Variants in SFI1 observed in about 807,000 individuals in gnomAD.
SFI1 encodes SFI1 centrin binding protein.
A neutral mutation model predicts 207.5 loss-of-function variants in SFI1; 195 were observed. The ratio of observed to expected loss-of-function variants is 0.94; its 90% CI spans 0.84 to 1.06. The LOEUF (loss-of-function observed/expected upper bound fraction) is 1.06, where lower values mean the gene tolerates loss of function less well. Ranked by LOEUF, SFI1 falls within the 50% of genes least tolerant of loss-of-function variation. The pLI, the probability that SFI1 is intolerant of heterozygous loss-of-function variation, is 0.00. For missense variants in SFI1, 1,634 were observed against 1,588.0 expected, an observed-to-expected ratio of 1.03 and a Z score of -0.49; for synonymous variants, 630 against 598.9, an observed-to-expected ratio of 1.05 and a Z score of -0.76.
intron 2 of SFI1, among the ~76,000 whole-genome samples, chr22:31,513,184 G>C (rs2055888497): frequency 6.6e-6 from 1 of 150,652 alleles, no homozygotes; most frequent in Admixed American, 6.6e-5. Flanking sequence ...TTTGAGACAG[G>C]GTCTCGCTTT....
At chr22:31,588,835 C>CA (rs943824479) in intron 14 of SFI1, among the ~76,000 whole-genome samples, 14 of 149,930 alleles carry the variant, frequency 9.3e-5, no homozygotes, top group South Asian at 6.3e-4. Context: ...CAAAAAACAA[C>CA]AAAAAAAACA....
chr22:31,591,087 T>C (rs2065832121), intron 15 of SFI1, among the ~76,000 whole-genome samples: 1 of 151,742 alleles, frequency 6.6e-6, no homozygotes, highest in South Asian at 2.1e-4. Context: ...CAAAGGTCTC[T>C]GGTTTTCTTA....
At position 31,586,799 on chromosome 22, in the gene SFI1, C is replaced by T. The variant is rs139137333; in HGVS notation, c.1413+1665C>T. ...CTCCCCTTGACACAGGGGCCCAACACTGGCGGACAGTCCAGGGTCAGCGTT... is the reference window on the plus strand; with the variant it reads ...CTCCCCTTGACACAGGGGCCCAACATTGGCGGACAGTCCAGGGTCAGCGTT... On this transcript the variant is annotated intron_variant, in intron 14 of 32. Transcript: ENST00000400288. Among the ~76,000 whole-genome samples the T allele has an allele frequency of 4.2e-3, 635 of 152,300 alleles. 5 individuals are homozygous for T. The highest frequency in any genetic ancestry group is 0.014 in the African/African-American group (598 of 41,564).
chr22:31,615,558 T>C (rs1603371703), intron 29 of SFI1: 1 of 363,704 alleles, frequency 2.7e-6, no homozygotes, highest in East Asian at 4.2e-5. Context: ...GCAGATCACG[T>C]AGGGTCCTGC....
intron 1 of SFI1, among the ~76,000 whole-genome samples, chr22:31,505,706 A>C (rs1336340105): frequency 6.6e-6 from 1 of 151,560 alleles, no homozygotes; most frequent in African/African-American, 2.4e-5. Context: ...GCAATATAGC[A>C]AGACCCTGTC....
chr22:31,508,753 G>C (rs905361815), intron 2 of SFI1, among the ~76,000 whole-genome samples: 7 of 151,930 alleles, frequency 4.6e-5, no homozygotes, highest in Non-Finnish European at 1.0e-4. Context: ...TGAAGCTCTC[G>C]GCACCTTATA....
chr22:31,500,324 A>G (rs1241733928), intron 1 of SFI1, among the ~76,000 whole-genome samples: 1 of 151,766 alleles, frequency 6.6e-6, no homozygotes, highest in Non-Finnish European at 1.5e-5. Flanking sequence ...TAGCCATTCC[A>G]ACCTTCAGCA....
chr22:31,506,504 T>C (rs1224230255), intron 1 of SFI1, among the ~76,000 whole-genome samples: 4 of 152,156 alleles, frequency 2.6e-5, no homozygotes, highest in Non-Finnish European at 5.9e-5. Context: ...CATCTAGACA[T>C]GAAGAAAGAA....
intron 15 of SFI1, 133 bp from the exon 16 acceptor site, chr22:31,602,079 C>A: frequency 1.3e-6 from 1 of 762,306 alleles, no homozygotes; most frequent in South Asian, 1.7e-5. Flanking sequence ...GCCACTGTGC[C>A]CAGCCACTTA....
chr22:31,580,006 G>T, intron 11 of SFI1: 1 of 311,588 alleles, frequency 3.2e-6, no homozygotes. Context: ...TCCTGGTGTG[G>T]GTGTGTTTGT....
chr22:31,558,074 G>A (rs2061341977), intron 7 of SFI1, among the ~76,000 whole-genome samples: 1 of 152,144 alleles, frequency 6.6e-6, no homozygotes, highest in Non-Finnish European at 1.5e-5. Context: ...CTTCCAACCT[G>A]TATTATTGGG....
chr22:31,606,035 C>CA, intron 20 of SFI1: 1 of 366,658 alleles, frequency 2.7e-6, no homozygotes. Flanking sequence ...CAGTGTGAGT[C>CA]ACCTGTGTTG....
intron 2 of SFI1, 23 bp downstream of exon 2, chr22:31,508,399 A>G (rs1375350204): frequency 6.7e-7 from 1 of 1,484,702 alleles, no homozygotes; most frequent in Middle Eastern, 1.8e-4. Context: ...ACTTGAGAAA[A>G]AAATATAACT....
At chr22:31,602,415 G>T in intron 16 of SFI1, 122 bp downstream of exon 16, 1 of 1,177,290 alleles carries the variant, frequency 8.5e-7, no homozygotes, top group Non-Finnish European at 1.2e-6. Context: ...GCCTGTGACT[G>T]TTGAGGCAGG....
At chr22:31,511,472 T>TTTTTG (rs1351856731) in intron 2 of SFI1, among the ~76,000 whole-genome samples, 1 of 142,706 alleles carries the variant, frequency 7.0e-6, no homozygotes, top group Non-Finnish European at 1.5e-5. Flanking sequence ...CTGTTTTTTT[T>TTTTTG]TTTTTTTTTT....
In SFI1 at chr22:31,616,767, C is replaced by G; in HGVS notation, c.3323C>G (p.Pro1108Arg). 3.2e-6 allele frequency: 5 copies of G among 1,577,244 alleles called. No individual in the cohort carries two copies. The highest frequency in any genetic ancestry group is 2.4e-5 in the South Asian group (2 of 84,758). The change falls in exon 30 of 33, where the codon CCT (proline) becomes CGT (arginine). Residue 1108 changes from proline (P) to arginine (R), a missense_variant. Coordinates refer to ENST00000400288, the MANE Select transcript of SFI1 (RefSeq NM_001007467.3). ...CAGGTGTCAGCACAGCGGGCTACTCCTAGGGATAAGCCCCCGGTCCCCTCA... is the reference window on the plus strand; with the variant it reads ...CAGGTGTCAGCACAGCGGGCTACTCGTAGGGATAAGCCCCCGGTCCCCTCA... Reference protein sequence around the residue: ...PARVSAQRATPRDKPPVPSSL... With the variant: ...PARVSAQRATRRDKPPVPSSL...
At chr22:31,511,931 T>C (rs1008028750) in intron 2 of SFI1, among the ~76,000 whole-genome samples, 2 of 152,092 alleles carry the variant, frequency 1.3e-5, no homozygotes, top group Admixed American at 1.3e-4. Context: ...GGATTACAGG[T>C]GTGAGTCACC....
Position 31,613,629 on chromosome 22 carries a change from C to T in SFI1, c.2770C>T (p.Arg924Cys), listed in dbSNP as rs1281241685. Residue 924 changes from arginine (R) to cysteine (C), a missense_variant, in exon 27 of 33, where the codon CGC (arginine) becomes TGC (cysteine). By Grantham distance (180) the Arg-to-Cys change is radical. Coordinates refer to ENST00000400288, the MANE Select transcript of SFI1 (RefSeq NM_001007467.3). ...GGCTCACAGTCTCCATCGTGCCGTC[C>T]GCCGCTGTGCCACGCTCTGGAAACA... ...QAAHSLHRAVRRCATLWKQKV... is the reference protein window; with the variant it reads ...QAAHSLHRAVCRCATLWKQKV... The T allele has an allele frequency of 6.3e-6, 10 of 1,593,106 alleles. No homozygotes were observed. The highest frequency in any genetic ancestry group is 2.2e-5 in the East Asian group (1 of 44,512).
chr22:31,497,970 T>G (rs1216210369), intron 1 of SFI1, among the ~76,000 whole-genome samples: 2 of 152,154 alleles, frequency 1.3e-5, no homozygotes, highest in Non-Finnish European at 2.9e-5. Context: ...GTTCAAGGAG[T>G]AATTTTGACT....
Sources: allele counts gnomAD v4.1 joint callset (sites outside exome capture counted in the v4.1 genomes callset), GRCh38; gene constraint gnomAD v4.1.1; transcripts MANE v1.5; gene names NCBI Gene and HGNC (gene_info 2026-07-23, HGNC 2026-07-21).